Variants in LRRIQ1 observed in about 807,000 individuals in gnomAD.
LRRIQ1 encodes the protein leucine rich repeats and IQ motif containing 1, also known as leucine-rich repeat- and IQ domain-containing protein 1.
A neutral mutation model predicts 211.9 loss-of-function variants in LRRIQ1; 210 were observed. That is an observed-to-expected ratio of 0.99 (90% CI 0.89 to 1.11). LRRIQ1 has a LOEUF of 1.11. Ranked by LOEUF, LRRIQ1 falls within the 50% of genes most tolerant of loss-of-function variation. The probability of loss-of-function intolerance (pLI) is 0.00; values close to 1 mark genes in which losing one functional copy is unlikely to be tolerated. For missense variants in LRRIQ1, 2,136 were observed against 1,939.5 expected, an observed-to-expected ratio of 1.10 and a Z score of -1.90; for synonymous variants, 699 against 650.1, an observed-to-expected ratio of 1.08 and a Z score of -1.14.
At chr12:85,196,146 A>G (rs1892896178) in intron 24 of LRRIQ1, among the ~76,000 whole-genome samples, 1 of 152,156 alleles carries the variant, frequency 6.6e-6, no homozygotes, top group South Asian at 2.1e-4. Context: ...TTCAAGGAGA[A>G]CTACAAACCA....
Position 85,055,640 on chromosome 12 carries a change from C to A in LRRIQ1, c.847C>A (p.Gln283Lys). 6.3e-7 allele frequency: 1 copy of A among 1,585,874 alleles called. No homozygotes were observed. The highest frequency in any genetic ancestry group is 1.4e-5 in the African/African-American group (1 of 72,892). ...AGAAAAAAATTCTTTGTTAAAACAGCAGAATAATGCAGCTGTTAAAATTCA... is the reference window on the plus strand; with the variant it reads ...AGAAAAAAATTCTTTGTTAAAACAGAAGAATAATGCAGCTGTTAAAATTCA... ...EKEKNSLLKQ[Q>K]NNAAVKIQAK... Residue 283 changes from glutamine to lysine, a missense_variant, in exon 8 of 27, where the codon CAG becomes AAG. Coordinates refer to ENST00000393217, the MANE Select transcript of LRRIQ1 (RefSeq NM_001079910.2).
intron 15 of LRRIQ1, among the ~76,000 whole-genome samples, chr12:85,110,159 C>T (rs527507112): frequency 3.3e-5 from 5 of 152,080 alleles, no homozygotes; most frequent in African/African-American, 1.2e-4. Flanking sequence ...ATTTAATCAC[C>T]AAGTATTTTA....
At chr12:85,123,226 T>C (rs1252272847) in intron 16 of LRRIQ1, among the ~76,000 whole-genome samples, 1 of 152,082 alleles carries the variant, frequency 6.6e-6, no homozygotes, top group Non-Finnish European at 1.5e-5. Flanking sequence ...TCTACATTTT[T>C]GGAAATAATT....
At chr12:85,137,749 T>A in intron 18 of LRRIQ1, 101 bp from the exon 19 acceptor site, 2 of 934,350 alleles carry the variant, frequency 2.1e-6, no homozygotes, top group Non-Finnish European at 3.0e-6. Context: ...GTCATTAAAC[T>A]TAGGTCTAAG....
At chr12:85,217,750 T>C (rs1177057754) in intron 24 of LRRIQ1, among the ~76,000 whole-genome samples, 2 of 109,550 alleles carry the variant, frequency 1.8e-5, no homozygotes, top group Admixed American at 8.0e-5. Flanking sequence ...GTAATGTGTG[T>C]GTATATATAT....
rs1041221057 is a variant in LRRIQ1, at chr12:85,073,065, T to C, written c.2854T>C (p.Cys952Arg). The C allele has an allele frequency of 2.5e-6, 4 of 1,608,478 alleles. No individual in the cohort carries two copies. Among genetic ancestry groups the C allele is most frequent in the Non-Finnish European group, 3.4e-6 (4 of 1,176,926 alleles). Reference sequence around the variant, plus strand: ...TACCTCACTTACAAAAAATTCAGATTGTAATTTCCTTATCTCCCACTTATA... The same window carrying C: ...TACCTCACTTACAAAAAATTCAGATCGTAATTTCCTTATCTCCCACTTATA... ...PITSLTKNSD[C>R]NFLISHLYWN... Residue 952 changes from cysteine to arginine, a missense_variant, in exon 11 of 27, where the codon TGT becomes CGT. Coordinates refer to ENST00000393217, the MANE Select transcript of LRRIQ1 (RefSeq NM_001079910.2).
At chr12:85,119,869 C>T (rs1887848351) in intron 15 of LRRIQ1, among the ~76,000 whole-genome samples, 1 of 152,024 alleles carries the variant, frequency 6.6e-6, no homozygotes, top group Admixed American at 6.6e-5. Context: ...TTAGTTTGTG[C>T]ATTTTCTGAT....
At chr12:85,229,298 T>A (rs1164146631) in intron 24 of LRRIQ1, among the ~76,000 whole-genome samples, 1 of 152,200 alleles carries the variant, frequency 6.6e-6, no homozygotes, top group African/African-American at 2.4e-5. Flanking sequence ...TTTAAGTATT[T>A]TTTTCAAAAT....
At chr12:85,213,301 T>C (rs968460899) in intron 24 of LRRIQ1, among the ~76,000 whole-genome samples, 2 of 151,984 alleles carry the variant, frequency 1.3e-5, no homozygotes, top group African/African-American at 4.8e-5. Context: ...AGAGATATGA[T>C]ACTTTTAATA....
In LRRIQ1 at chr12:85,124,203, C is replaced by T. The variant is rs551385730; in HGVS notation, c.3691C>T (p.Gln1231Ter). The T allele has an allele frequency of 6.2e-7, 1 of 1,614,050 alleles. No homozygotes were observed. The highest frequency in any genetic ancestry group is 8.5e-7 in the Non-Finnish European group (1 of 1,179,992). ...TITKKDESEA[Q>*]KNHLAPTNSD... ...CACCAAGAAAGATGAATCAGAAGCC[C>T]AGAAAAATCATTTGGCCCCTACAAA... The change falls in exon 17 of 27, where the codon CAG becomes TAG. Residue 1231 changes from glutamine to a stop codon, truncating the protein, a stop_gained. Coordinates refer to ENST00000393217, the MANE Select transcript of LRRIQ1 (RefSeq NM_001079910.2). LOFTEE classifies it high-confidence loss of function.
chr12:85,114,319 C>T (rs974955357), intron 15 of LRRIQ1, among the ~76,000 whole-genome samples: 10 of 152,026 alleles, frequency 6.6e-5, no homozygotes, highest in African/African-American at 2.4e-4. Flanking sequence ...TCCCATGATT[C>T]AGAGCACGTC....
In LRRIQ1 at chr12:85,055,616, G is replaced by T. The variant is rs1565790741; in HGVS notation, c.823G>T (p.Glu275Ter). 3.8e-6 allele frequency: 6 copies of T among 1,572,144 alleles called. No individual in the cohort carries two copies. The Admixed American group carries it at 1.0e-4, about 27-fold the overall frequency. The change falls in exon 8 of 27, where the codon GAA becomes TAA. Residue 275 changes from glutamate (E) to a stop codon, truncating the protein, a stop_gained. Coordinates refer to ENST00000393217, the MANE Select transcript of LRRIQ1 (RefSeq NM_001079910.2). LOFTEE classifies it high-confidence loss of function. ...AAGATTTAAAGACCAACAAGAAAAA[G>T]AAAAAAATTCTTTGTTAAAACAGCA... is the stretch of plus-strand genomic sequence containing the variant. Reference protein sequence around the residue: ...RTRFKDQQEKEKNSLLKQQNN... With the variant: ...RTRFKDQQEK
At chr12:85,255,788 A>G (rs1204540312) in intron 1 of LRRIQ1, among the ~76,000 whole-genome samples, 1 of 151,630 alleles carries the variant, frequency 6.6e-6, no homozygotes, top group African/African-American at 2.4e-5. Flanking sequence ...AGGTGTTGAT[A>G]TTTTGTTCCT....
intron 25 of LRRIQ1, among the ~76,000 whole-genome samples, chr12:85,231,643 G>T (rs1003977402): frequency 1.6e-4 from 25 of 152,104 alleles, no homozygotes; most frequent in African/African-American, 5.8e-4. Context: ...GGTAAATGGG[G>T]AAATAGACAC....
intron 17 of LRRIQ1, chr12:85,124,767 T>C (rs957376884): frequency 3.8e-5 from 14 of 369,918 alleles, no homozygotes; most frequent in Middle Eastern, 7.8e-4. Flanking sequence ...TAAATGTGAG[T>C]TTTTTTCTGC....
At chr12:85,118,360 C>A (rs1414085803) in intron 15 of LRRIQ1, among the ~76,000 whole-genome samples, 1 of 152,026 alleles carries the variant, frequency 6.6e-6, no homozygotes, top group Non-Finnish European at 1.5e-5. Flanking sequence ...CTGATAATTA[C>A]CTTGAAGAAA....
chr12:85,051,489 C>A (rs538694896), intron 6 of LRRIQ1, among the ~76,000 whole-genome samples: 171 of 152,278 alleles, frequency 1.1e-3, no homozygotes, highest in African/African-American at 4.0e-3. Flanking sequence ...ATTTTCCTAG[C>A]TCAAAATGCT....
intron 24 of LRRIQ1, among the ~76,000 whole-genome samples, chr12:85,191,097 C>T (rs780735288): frequency 1.3e-5 from 2 of 151,908 alleles, no homozygotes; most frequent in Non-Finnish European, 2.9e-5. Context: ...TTTTCATGTA[C>T]TCCGCAAATG....
chr12:85,101,782 C>CAA (rs915171383), intron 13 of LRRIQ1, among the ~76,000 whole-genome samples: 5 of 151,542 alleles, frequency 3.3e-5, no homozygotes, highest in Non-Finnish European at 7.4e-5. Context: ...AGATTACTTT[C>CAA]AATATTACAA....
Sources: gnomAD v4.1 joint callset for allele counts (sites outside exome capture counted in the v4.1 genomes callset) on GRCh38, gnomAD v4.1.1 for gene constraint, MANE v1.5 for transcripts, NCBI Gene and HGNC (gene_info 2026-07-23, HGNC 2026-07-21) for gene names.